Variants in SLC60A2 observed in about 807,000 individuals in gnomAD.
SLC60A2 encodes the protein solute carrier family 60 member 2.
At chr6:111,278,922 T>C in the SLC60A2 span, among the ~76,000 whole-genome samples, 2 of 152,236 alleles carry the variant, frequency 1.3e-5, no homozygotes, top group Admixed American at 1.3e-4. Context: ...AAATGTGTTC[T>C]TGTCCTCTGC....
the SLC60A2 span, among the ~76,000 whole-genome samples, chr6:111,275,598 C>T: frequency 1.3e-5 from 2 of 151,836 alleles, no homozygotes; most frequent in African/African-American, 4.8e-5. Flanking sequence ...TTAGTAAAAA[C>T]AGGGTTTCAC....
chr6:111,259,608 GC>G, the SLC60A2 span: 3 of 1,401,206 alleles, frequency 2.1e-6, no homozygotes, highest in South Asian at 1.4e-5. Flanking sequence ...GCAGGCGGAG[GC>G]CCCGGCGGAG....
At chr6:111,270,672 T>G in the SLC60A2 span, 1 of 152,134 alleles carries the variant, frequency 6.6e-6, no homozygotes, top group Non-Finnish European at 1.5e-5. Flanking sequence ...AAACCCCATC[T>G]CTACTAAAAA....
chr6:111,263,791 T>C, the SLC60A2 span: 1 of 1,098,266 alleles, frequency 9.1e-7, no homozygotes, highest in South Asian at 1.3e-5. Context: ...CATGACTGCA[T>C]GGATATTATT....
chr6:111,265,691 G>A, the SLC60A2 span, among the ~76,000 whole-genome samples: 1 of 152,132 alleles, frequency 6.6e-6, no homozygotes, highest in Non-Finnish European at 1.5e-5. Context: ...GCTTAGAGTT[G>A]TCTGGTGGTA....
chr6:111,275,535 G>A, the SLC60A2 span, among the ~76,000 whole-genome samples: 4 of 151,516 alleles, frequency 2.6e-5, no homozygotes, highest in Non-Finnish European at 5.9e-5. Context: ...CCAGCCTCCC[G>A]AGTAGCTGGG....
the SLC60A2 span, chr6:111,265,480 A>G: frequency 1.4e-6 from 1 of 712,816 alleles, no homozygotes; most frequent in Non-Finnish European, 1.7e-6. Flanking sequence ...CAAGTACAGA[A>G]AGCTTTGGTA....
the SLC60A2 span, chr6:111,266,871 T>C: frequency 6.2e-7 from 1 of 1,613,900 alleles, no homozygotes; most frequent in Non-Finnish European, 8.5e-7. Flanking sequence ...GCTAAATGAA[T>C]ATGAGGAAGA....
chr6:111,263,778 A>G, the SLC60A2 span: 2 of 963,872 alleles, frequency 2.1e-6, no homozygotes, highest in South Asian at 2.8e-5. Context: ...TATTGACTTG[A>G]TCCATGACTG....
chr6:111,259,415 C>A, the SLC60A2 span: 4 of 399,238 alleles, frequency 1.0e-5, no homozygotes, highest in Admixed American at 1.3e-4. Context: ...CCGGGCGGTC[C>A]GCTGGGAGGT....
the SLC60A2 span, among the ~76,000 whole-genome samples, chr6:111,277,207 C>T: frequency 3.3e-5 from 5 of 152,246 alleles, no homozygotes; most frequent in Non-Finnish European, 5.9e-5. Context: ...GTAATCGATA[C>T]CTGAATGGGA....
chr6:111,264,210 G>C, the SLC60A2 span, among the ~76,000 whole-genome samples: 1 of 152,214 alleles, frequency 6.6e-6, no homozygotes, highest in Non-Finnish European at 1.5e-5. Context: ...ACAGGGAAGG[G>C]CCCCTGTGTG....
At chr6:111,275,794 A>G in the SLC60A2 span, among the ~76,000 whole-genome samples, 3 of 152,214 alleles carry the variant, frequency 2.0e-5, no homozygotes, top group African/African-American at 7.2e-5. Flanking sequence ...GGAAAAATGT[A>G]TCTTTTAACA....
the SLC60A2 span, among the ~76,000 whole-genome samples, chr6:111,275,686 G>A: frequency 1.3e-5 from 2 of 152,158 alleles, no homozygotes; most frequent in Admixed American, 6.5e-5. Flanking sequence ...GCGATTACAG[G>A]TGTGAGCCAC....
chr6:111,277,941 G>A, the SLC60A2 span: 1 of 152,152 alleles, frequency 6.6e-6, no homozygotes, highest in Non-Finnish European at 1.5e-5. Context: ...CAGCTCCAAA[G>A]ACCCTTGGGC....
At chr6:111,262,091 TAA>T in the SLC60A2 span, among the ~76,000 whole-genome samples, 5 of 151,170 alleles carry the variant, frequency 3.3e-5, no homozygotes, top group African/African-American at 2.4e-5. Flanking sequence ...AAAAAAAAAA[TAA>T]GAGTTTTAGT....
the SLC60A2 span, among the ~76,000 whole-genome samples, chr6:111,276,360 A>AT: frequency 1.3e-5 from 2 of 152,074 alleles, no homozygotes; most frequent in African/African-American, 2.4e-5. Flanking sequence ...TTTGTCTTAG[A>AT]TTTTTTTCTT....
chr6:111,273,059 G>A, the SLC60A2 span, among the ~76,000 whole-genome samples: 6 of 152,184 alleles, frequency 3.9e-5, no homozygotes. Flanking sequence ...TCGAACTCCC[G>A]ACCTCAGGTG....
chr6:111,279,538 G>A, the SLC60A2 span, among the ~76,000 whole-genome samples: 5 of 149,990 alleles, frequency 3.3e-5, no homozygotes, highest in South Asian at 6.2e-4. Context: ...ATGAGCCACC[G>A]CGCCTAGCCT....
Sources: gnomAD v4.1 joint callset for allele counts (sites outside exome capture counted in the v4.1 genomes callset) on GRCh38, gnomAD v4.1.1 for gene constraint, MANE v1.5 for transcripts, NCBI Gene and HGNC (gene_info 2026-07-23, HGNC 2026-07-21) for gene names.